The following AP3M1 variants were observed in gnomAD, a reference collection of about 807,000 sequenced individuals.
The protein encoded by AP3M1 is AP-3 complex subunit mu-1.
A neutral mutation model predicts 42.6 loss-of-function variants in AP3M1; 29 were observed. That is an observed-to-expected ratio of 0.68 (90% CI 0.51 to 0.93). AP3M1 has a LOEUF of 0.93. Among genes scored for constraint, AP3M1 ranks in the 40% least tolerant of loss-of-function variants. The pLI is 0.00. For missense variants in AP3M1, 416 were observed against 510.2 expected (o/e 0.82, Z 1.78); for synonymous variants, 178 against 175.3 (o/e 1.02, Z -0.12).
In AP3M1 at chr10:74,134,133, G is replaced by T; in HGVS notation, c.477C>A (p.Thr159=). The T allele has an allele frequency of 6.2e-7, 1 of 1,614,006 alleles. No homozygotes were observed. The highest frequency in any genetic ancestry group is 8.5e-7 in the Non-Finnish European group (1 of 1,179,940). The change falls in exon 4 of 9, where the codon ACC becomes ACA. Residue 159 remains threonine, a synonymous_variant. Transcript: ENST00000355264. ...GCCATGGTATGTTGGACAGCTGCCC[G>T]GTGGGGAGTGTGTCCCCAACATTAC... ...GSSNVGDTLP[T]GQLSNIPWRR...
intron 1 of AP3M1, among the ~76,000 whole-genome samples, chr10:74,139,521 C>T (rs1176208631): frequency 6.6e-6 from 1 of 151,538 alleles, no homozygotes; most frequent in Non-Finnish European, 1.5e-5. Context: ...GTGGCTCATG[C>T]CTATAATCCC....
Position 74,129,954 on chromosome 10 carries a change from C to A in AP3M1, c.622G>T (p.Ala208Ser). The A allele has an allele frequency of 6.2e-7, 1 of 1,613,196 alleles. No homozygotes were observed. Among genetic ancestry groups the A allele is most frequent in the South Asian group, 1.1e-5 (1 of 91,056 alleles). Residue 208 changes from alanine to serine, a missense_variant, in exon 5 of 9, where the codon GCT (alanine) becomes TCT (serine). By Grantham distance (99) the Ala-to-Ser change is moderately conservative (BLOSUM62 1). Transcript: ENST00000355264. ...GGCATTCCAGATAGTTTAATGCAAG[C>A]ATCAATGACCCCCTGAATTTCTGCA... ...VFAEIQGVIDACIKLSGMPDL... is the reference protein window; with the variant it reads ...VFAEIQGVIDSCIKLSGMPDL...
Position 74,126,379 on chromosome 10 carries a change from T to A in AP3M1, c.804-24A>T, listed in dbSNP as rs370426671. Reference sequence around the variant, plus strand: ...GACTAAAAAGAGAAACAGAGAAAGATACAAAAGCACAAACACAATTAATGG... The same window carrying A: ...GACTAAAAAGAGAAACAGAGAAAGAAACAAAAGCACAAACACAATTAATGG... On this transcript the variant is annotated intron_variant, in intron 6 of 8. Coordinates refer to ENST00000355264, the MANE Select transcript of AP3M1 (RefSeq NM_012095.6). 5 of 1,596,124 alleles carry A rather than the reference T, an allele frequency of 3.1e-6. No homozygotes were observed. In the East Asian group the frequency reaches 6.7e-5, roughly 21 times the overall value.
At chr10:74,129,420 ATTTT>A (rs543057908) in intron 5 of AP3M1, among the ~76,000 whole-genome samples, 179 bp from the exon 6 acceptor site, 137 of 152,318 alleles carry the variant, frequency 9.0e-4, no homozygotes, top group African/African-American at 3.2e-3. Context: ...TATGTACATT[ATTTT>A]ATTTGAATTT....
At chr10:74,134,522 A>G (rs1225999083) in intron 3 of AP3M1, among the ~76,000 whole-genome samples, 2 of 152,380 alleles carry the variant, frequency 1.3e-5, no homozygotes, top group Non-Finnish European at 2.9e-5. Flanking sequence ...AAATGTCTCC[A>G]GTGAGAATAC....
chr10:74,125,801 T>C (rs1840595703), intron 7 of AP3M1, among the ~76,000 whole-genome samples: 1 of 152,258 alleles, frequency 6.6e-6, no homozygotes, highest in South Asian at 2.1e-4. Flanking sequence ...TAGTAATTCA[T>C]AGACCATCAT....
chr10:74,141,487 G>T lies in AP3M1; in HGVS notation c.-3-3105C>A, dbSNP rs1278315967. Among the ~76,000 whole-genome samples, 12 of 152,148 alleles carry T rather than the reference G, an allele frequency of 7.9e-5. No individual in the cohort carries two copies. In the East Asian group the frequency reaches 2.1e-3, roughly 27 times the overall value. ...AAAAAATGGGCAAAGGATTTGAAAA[G>T]ACATTTACTCAAAGAATATATACAT... On this transcript the variant is annotated intron_variant, in intron 1 of 8. Coordinates refer to ENST00000355264, the MANE Select transcript of AP3M1 (RefSeq NM_012095.6).
intron 1 of AP3M1, among the ~76,000 whole-genome samples, chr10:74,144,086 C>T (rs1023861357): frequency 3.3e-5 from 5 of 152,072 alleles, no homozygotes; most frequent in Admixed American, 2.6e-4. Context: ...CTCAGCCTCC[C>T]GAGTAGCTGG....
At chr10:74,127,218 T>C (rs892937135) in intron 6 of AP3M1, among the ~76,000 whole-genome samples, 6 of 152,106 alleles carry the variant, frequency 3.9e-5, no homozygotes, top group African/African-American at 1.4e-4. Context: ...GATACCAAGA[T>C]GGCAGTACCT....
chr10:74,139,768 G>A (rs1591759705), intron 1 of AP3M1, among the ~76,000 whole-genome samples: 4 of 152,094 alleles, frequency 2.6e-5, no homozygotes. Flanking sequence ...TTAGCCAGGC[G>A]TGGTGGCACG....
chr10:74,146,575 G>C (rs1591768822), intron 1 of AP3M1, among the ~76,000 whole-genome samples: 1 of 152,222 alleles, frequency 6.6e-6, no homozygotes, highest in South Asian at 2.1e-4. Flanking sequence ...GGAGATGAGA[G>C]AGATGTGTCA....
rs1840515540 is a variant in AP3M1 at position 74,123,104 on chromosome 10, C to T, written c.*706G>A. On this transcript the variant is annotated 3_prime_UTR_variant, in exon 9 of 9. Transcript: ENST00000355264. Reference sequence around the variant, plus strand: ...AATGATTTTTTTACTGTGCTAACAGCTGAACCAGTGGCACAAAATTGAGAT... The same window carrying T: ...AATGATTTTTTTACTGTGCTAACAGTTGAACCAGTGGCACAAAATTGAGAT... 6.6e-6 allele frequency: 1 copy of T among 152,620 alleles called. No individual in the cohort carries two copies. The highest frequency in any genetic ancestry group is 1.5e-5 in the Non-Finnish European group (1 of 68,024). The allele number at this position is 152,620 out of a possible 1,614,324, so 9.5% of individuals were successfully genotyped here. A position where few individuals can be genotyped will look rare whatever the true frequency, so the allele number is the denominator to read the frequency against.
In AP3M1 at chr10:74,123,745, C is replaced by T. The variant is rs1840536006; in HGVS notation, c.*65G>A. 12 of 1,234,082 alleles carry T rather than the reference C, an allele frequency of 9.7e-6. No homozygotes were observed. The highest frequency in any genetic ancestry group is 1.4e-5 in the Non-Finnish European group (12 of 833,934). 76.4% of individuals were successfully genotyped at this position (1,234,082 alleles called of 1,614,324 possible). On this transcript the variant is annotated 3_prime_UTR_variant, in exon 9 of 9. Transcript: ENST00000355264. ...ATATGTATTCCCACTCACTTGGTAC[C>T]TAATAGTGATACATCGTAATGACAC...
intron 4 of AP3M1, 90 bp downstream of exon 4, chr10:74,133,937 G>A: frequency 6.6e-7 from 1 of 1,518,716 alleles, no homozygotes; most frequent in Non-Finnish European, 8.9e-7. Context: ...ACAGGCGTGA[G>A]CCACCGCGCC....
chr10:74,142,981 G>C (rs190934313), intron 1 of AP3M1, among the ~76,000 whole-genome samples: 75 of 152,360 alleles, frequency 4.9e-4, no homozygotes, highest in Non-Finnish European at 1.0e-3. Context: ...AGCAGACTCA[G>C]ATTTGGGCAC....
At chr10:74,140,792 GAAC>G (rs1841122398) in intron 1 of AP3M1, among the ~76,000 whole-genome samples, 1 of 152,064 alleles carries the variant, frequency 6.6e-6, no homozygotes, top group African/African-American at 2.4e-5. Flanking sequence ...GTTGGAGAGA[GAAC>G]AACCTTTTCA....
chr10:74,148,957 C>T (rs1841422218), intron 1 of AP3M1, among the ~76,000 whole-genome samples: 1 of 151,812 alleles, frequency 6.6e-6, no homozygotes, highest in Non-Finnish European at 1.5e-5. Flanking sequence ...ACCACAACCT[C>T]CGCTTCCTGG....
chr10:74,133,750 G>A (rs989935825), intron 4 of AP3M1, among the ~76,000 whole-genome samples: 1 of 151,296 alleles, frequency 6.6e-6, no homozygotes, highest in African/African-American at 2.4e-5. Flanking sequence ...TGCCTCCTGG[G>A]TTCAAGCAAT....
chr10:74,126,949 C>A (rs1306106294), intron 6 of AP3M1, among the ~76,000 whole-genome samples: 12 of 101,242 alleles, frequency 1.2e-4, no homozygotes, highest in African/African-American at 4.2e-4. Flanking sequence ...CCAGCCTGGG[C>A]AAAGGAGCGA....
Sources: gnomAD v4.1 joint callset for allele counts (sites outside exome capture counted in the v4.1 genomes callset) on GRCh38, gnomAD v4.1.1 for gene constraint, MANE v1.5 for transcripts, NCBI Gene and HGNC (gene_info 2026-07-23, HGNC 2026-07-21) for gene names.